Variants in PDZD2 observed in about 807,000 individuals in gnomAD.
PDZD2 encodes PDZ domain containing 2.
Under a neutral mutation model 220.7 loss-of-function variants are expected in PDZD2, and 90 were observed. That is an observed-to-expected ratio of 0.41 (90% CI 0.34 to 0.49). PDZD2 has a LOEUF of 0.49. Ranked by LOEUF, PDZD2 falls within the 20% of genes least tolerant of loss-of-function variation. The pLI is 0.28. For synonymous variants in PDZD2, 1,375 were observed against 1,450.5 expected, an observed-to-expected ratio of 0.95 and a Z score of 1.18; for missense variants, 3,174 against 3,608.5, an observed-to-expected ratio of 0.88 and a Z score of 3.08.
intron 2 of PDZD2, chr5:31,909,213 T>A (rs911204778): frequency 6.5e-6 from 1 of 154,300 alleles, no homozygotes; most frequent in African/African-American, 2.4e-5. Context: ...TTTGGATGTA[T>A]CACCTGTCAT....
chr5:32,052,241 G>A (rs142984753), intron 8 of PDZD2, among the ~76,000 whole-genome samples: 1 of 152,194 alleles, frequency 6.6e-6, no homozygotes, highest in Non-Finnish European at 1.5e-5. Flanking sequence ...CACCTCCCAG[G>A]TTCAAGCGAT....
intron 2 of PDZD2, among the ~76,000 whole-genome samples, chr5:31,866,098 C>T (rs951506666): frequency 3.3e-5 from 5 of 152,128 alleles, no homozygotes; most frequent in South Asian, 2.1e-4. Context: ...GCCTCTCTGG[C>T]TCAAGCAGTT....
chr5:31,893,340 G>A (rs550269795), intron 2 of PDZD2, among the ~76,000 whole-genome samples: 2 of 152,312 alleles, frequency 1.3e-5, no homozygotes, highest in East Asian at 3.9e-4. Context: ...GGAGACCAAG[G>A]TGGGCGGATT....
chr5:31,712,862 T>C (rs1185771878), intron 1 of PDZD2, among the ~76,000 whole-genome samples: 1 of 152,128 alleles, frequency 6.6e-6, no homozygotes, highest in Admixed American at 6.6e-5. Context: ...TGCCAGAGGG[T>C]CTTTGCGTGT....
At position 32,102,827 on chromosome 5, in the gene PDZD2, G is replaced by A. The variant is rs546811172; in HGVS notation, c.8353+1588G>A. On this transcript the variant is annotated intron_variant, in intron 24 of 24. Transcript: ENST00000438447. ...AAGCTGGGTGTGGTAGCGCATGCCTGTAGTCTCAGCTCCTTGCACTGCTTG... is the reference window on the plus strand; with the variant it reads ...AAGCTGGGTGTGGTAGCGCATGCCTATAGTCTCAGCTCCTTGCACTGCTTG... 2.6e-5 allele frequency among the ~76,000 whole-genome samples: 4 copies of A among 152,284 alleles called. No individual in the cohort carries two copies. In the South Asian group the frequency reaches 8.3e-4, roughly 32 times the overall value.
chr5:31,923,137 T>C (rs1744429460), intron 2 of PDZD2, among the ~76,000 whole-genome samples: 1 of 151,932 alleles, frequency 6.6e-6, no homozygotes, highest in Non-Finnish European at 1.5e-5. Flanking sequence ...ATACTAAAAA[T>C]GCAAAAAATT....
chr5:31,909,655 C>T (rs1742998762), intron 2 of PDZD2, among the ~76,000 whole-genome samples: 2 of 152,076 alleles, frequency 1.3e-5, no homozygotes, highest in African/African-American at 2.4e-5. Flanking sequence ...ACTAATAATA[C>T]AGTGATATAC....
chr5:32,096,745 G>GT (rs1561588759), intron 21 of PDZD2, among the ~76,000 whole-genome samples: 1 of 151,070 alleles, frequency 6.6e-6, no homozygotes, highest in African/African-American at 2.4e-5. Context: ...TCTTTCTGCT[G>GT]TTGCTAGGAC....
At chr5:31,846,588 T>C (rs1038090510) in intron 2 of PDZD2, among the ~76,000 whole-genome samples, 5 of 152,228 alleles carry the variant, frequency 3.3e-5, no homozygotes, top group Non-Finnish European at 5.9e-5. Context: ...ATTAACTACA[T>C]CTGGAACACC....
At chr5:31,949,668 C>CTTT (rs5867121) in intron 2 of PDZD2, among the ~76,000 whole-genome samples, 5 of 127,894 alleles carry the variant, frequency 3.9e-5, no homozygotes, top group African/African-American at 1.2e-4. Flanking sequence ...CCATTTTTAG[C>CTTT]TTTTTTTTTT....
intron 14 of PDZD2, among the ~76,000 whole-genome samples, chr5:32,061,618 A>G (rs958039124): frequency 3.9e-5 from 6 of 152,198 alleles, no homozygotes; most frequent in African/African-American, 7.2e-5. Flanking sequence ...ACTTTGTTCA[A>G]TTAAGAAATG....
chr5:31,912,218 T>C (rs1743269824), intron 2 of PDZD2, among the ~76,000 whole-genome samples: 2 of 152,214 alleles, frequency 1.3e-5, no homozygotes, highest in African/African-American at 4.8e-5. Flanking sequence ...TGATTCAGTG[T>C]CTGGTGAGGG....
intron 1 of PDZD2, among the ~76,000 whole-genome samples, chr5:31,680,780 G>A (rs888789638): frequency 2.6e-5 from 4 of 152,114 alleles, no homozygotes; most frequent in Non-Finnish European, 5.9e-5. Flanking sequence ...CTGACCGGGC[G>A]CCAGGCCCTG....
chr5:31,805,463 T>C (rs1385402950), intron 2 of PDZD2, among the ~76,000 whole-genome samples: 1 of 152,182 alleles, frequency 6.6e-6, no homozygotes, highest in Admixed American at 6.5e-5. Context: ...AGTGTACCCC[T>C]CTGCCTCCCA....
intron 2 of PDZD2, among the ~76,000 whole-genome samples, chr5:31,826,799 C>T (rs1561489314): frequency 6.6e-6 from 1 of 152,086 alleles, no homozygotes. Context: ...TTACTTCTTA[C>T]AACATCCCTA....
chr5:31,703,162 G>T (rs1230220187), intron 1 of PDZD2, among the ~76,000 whole-genome samples: 2 of 152,200 alleles, frequency 1.3e-5, no homozygotes, highest in East Asian at 1.9e-4. Flanking sequence ...TGCCTTAATT[G>T]TAAAGAGCGG....
In PDZD2 at chr5:32,010,467, T is replaced by C; in HGVS notation, c.1392T>C (p.Ser464=). 6 of 1,611,634 alleles carry C rather than the reference T, an allele frequency of 3.7e-6. No homozygotes were observed. Among genetic ancestry groups the C allele is most frequent in the Non-Finnish European group, 5.1e-6 (6 of 1,177,886 alleles). The stretch of plus-strand genomic sequence containing the variant: ...GGGAAGAGGACGAAGGAACCAGCTC[T>C]TCTGTCCAGAGAGCAGTAAGTGGCT... ...ADGEEDEGTS[S]SVQRAMPGTD... Residue 464 remains serine, a synonymous_variant, in exon 6 of 25, where the codon TCT becomes TCC. Coordinates refer to ENST00000438447, the MANE Select transcript of PDZD2 (RefSeq NM_178140.4).
At chr5:31,811,018 C>T (rs1194512058) in intron 2 of PDZD2, among the ~76,000 whole-genome samples, 2 of 152,082 alleles carry the variant, frequency 1.3e-5, no homozygotes, top group African/African-American at 2.4e-5. Context: ...GTCTCGCTGT[C>T]GCCTAGGCTG....
chr5:31,987,642 G>C (rs1011588902), intron 3 of PDZD2, among the ~76,000 whole-genome samples: 7 of 152,108 alleles, frequency 4.6e-5, no homozygotes, highest in African/African-American at 2.4e-5. Flanking sequence ...TCTCCATCTT[G>C]GATATATTTC....
Sources: gnomAD v4.1 joint callset for allele counts (sites outside exome capture counted in the v4.1 genomes callset) on GRCh38, gnomAD v4.1.1 for gene constraint, MANE v1.5 for transcripts, NCBI Gene and HGNC (gene_info 2026-07-23, HGNC 2026-07-21) for gene names.